The following ATP8B4 variants were observed in gnomAD, a reference collection of about 807,000 sequenced individuals.
The protein encoded by ATP8B4 is probable phospholipid-transporting ATPase IM.
ATP8B4 carries 133 observed loss-of-function variants against 145.6 expected under a neutral mutation model. The observed-to-expected ratio is 0.91, with a 90% CI of 0.79 to 1.05. The LOEUF (loss-of-function observed/expected upper bound fraction) is 1.05, where lower values mean the gene tolerates loss of function less well. ATP8B4 is among the 50% of genes least tolerant of loss of function. The probability of loss-of-function intolerance (pLI) is 0.00; values close to 1 mark genes in which losing one functional copy is unlikely to be tolerated. For missense variants in ATP8B4, 1,458 were observed against 1,425.2 expected (o/e 1.02, Z -0.37); for synonymous variants, 507 against 492.9 (o/e 1.03, Z -0.38).
chr15:50,046,323 G>A (rs1255179362), intron 4 of ATP8B4, among the ~76,000 whole-genome samples: 1 of 150,300 alleles, frequency 6.7e-6, no homozygotes, highest in African/African-American at 2.5e-5. Context: ...CTCTCTCTCT[G>A]ACTTGAGTTG....
intron 1 of ATP8B4, among the ~76,000 whole-genome samples, chr15:50,129,083 T>C (rs1293451524): frequency 5.3e-5 from 8 of 152,036 alleles, no homozygotes; most frequent in African/African-American, 1.9e-4. Context: ...AATAAATAAA[T>C]AAATAAAAGT....
intron 9 of ATP8B4, among the ~76,000 whole-genome samples, chr15:49,990,506 T>C (rs896137246): frequency 2.0e-5 from 3 of 152,098 alleles, no homozygotes; most frequent in Non-Finnish European, 4.4e-5. Context: ...TGAAAGCAGA[T>C]TGCAATTTAT....
intron 25 of ATP8B4, among the ~76,000 whole-genome samples, chr15:49,872,924 G>T (rs2033877071): frequency 6.6e-6 from 1 of 152,190 alleles, no homozygotes; most frequent in South Asian, 2.1e-4. Flanking sequence ...ATGCACCATG[G>T]TGAGGTAAGA....
At chr15:49,865,509 T>C (rs1486545758) in intron 26 of ATP8B4, among the ~76,000 whole-genome samples, 1 of 152,222 alleles carries the variant, frequency 6.6e-6, no homozygotes, top group African/African-American at 2.4e-5. Flanking sequence ...TGTGGCTTGC[T>C]ACTAGCATTG....
rs2052451044 is a variant in ATP8B4, at chr15:50,054,699, G to C, written c.88-7235C>G. ...CTTGGGAGGCTGAGGCAGGAGAATAGCATGAACCCAGGAGGCTGAGCTTGC... is the reference window on the plus strand; with the variant it reads ...CTTGGGAGGCTGAGGCAGGAGAATACCATGAACCCAGGAGGCTGAGCTTGC... On this transcript the variant is annotated intron_variant, in intron 3 of 27. Transcript: ENST00000284509. Among the ~76,000 whole-genome samples the C allele has an allele frequency of 4.4e-5, 6 of 136,446 alleles. No homozygotes were observed. In the South Asian group the frequency reaches 1.2e-3, roughly 27 times the overall value. The allele number at this position is 136,446 out of a possible 152,430, so 89.5% of individuals were successfully genotyped here.
At chr15:49,868,192 T>A (rs895676321) in intron 25 of ATP8B4, among the ~76,000 whole-genome samples, 1 of 152,182 alleles carries the variant, frequency 6.6e-6, no homozygotes, top group Non-Finnish European at 1.5e-5. Context: ...TAATCTTTTA[T>A]ACAGAGGAGG....
chr15:50,165,795 A>C (rs531173707), intron 1 of ATP8B4, among the ~76,000 whole-genome samples: 1 of 152,334 alleles, frequency 6.6e-6, no homozygotes, highest in East Asian at 1.9e-4. Context: ...CAAATAAAAA[A>C]TGTTCATGTA....
In ATP8B4 at chr15:50,024,502, A is replaced by G. The variant is rs190117656; in HGVS notation, c.363-13585T>C. On this transcript the variant is annotated intron_variant, in intron 6 of 27. Transcript: ENST00000284509. ...TGAAGCCTTAAATTTAGCAGTGTGA[A>G]AGGGGAAAGCATGTAAGAACATAAA... Among the ~76,000 whole-genome samples the G allele has an allele frequency of 1.1e-3, 174 of 152,332 alleles. 1 individual carries two copies. Among genetic ancestry groups the G allele is most frequent in the Admixed American group, 2.0e-3 (30 of 15,300 alleles).
intron 1 of ATP8B4, among the ~76,000 whole-genome samples, chr15:50,107,503 A>AT (rs902990569): frequency 2.0e-5 from 3 of 152,054 alleles, no homozygotes; most frequent in South Asian, 2.1e-4. Context: ...CCAGGCAGTT[A>AT]TTTTTTTTAA....
At chr15:50,131,314 A>G (rs62023185) in intron 1 of ATP8B4, among the ~76,000 whole-genome samples, 1,794 of 152,360 alleles carry the variant, frequency 0.012, 19 homozygotes, top group Non-Finnish European at 0.016. Flanking sequence ...TGCTTCATAT[A>G]TAGTAATTCA....
intron 1 of ATP8B4, among the ~76,000 whole-genome samples, chr15:50,158,672 G>C (rs1490456056): frequency 1.3e-5 from 2 of 152,258 alleles, no homozygotes; most frequent in Non-Finnish European, 2.9e-5. Flanking sequence ...AAGGGGGAAA[G>C]GTGGGGAAAA....
intron 20 of ATP8B4, chr15:49,901,870 GA>G (rs1245671158): frequency 1.5e-5 from 6 of 394,350 alleles, no homozygotes; most frequent in Non-Finnish European, 2.9e-5. Flanking sequence ...AATCTTCTAG[GA>G]AAAAAACTAG....
chr15:49,920,441 T>C (rs1324067667), intron 17 of ATP8B4, 31 bp from the exon 18 acceptor site: 1 of 1,568,086 alleles, frequency 6.4e-7, no homozygotes, highest in Non-Finnish European at 8.6e-7. Flanking sequence ...TCATGAACCA[T>C]CAAAGAAACA....
intron 3 of ATP8B4, among the ~76,000 whole-genome samples, chr15:50,068,261 C>T (rs746330723): frequency 6.6e-6 from 1 of 152,078 alleles, no homozygotes; most frequent in South Asian, 2.1e-4. Flanking sequence ...TTGCAGGGAG[C>T]CTTAGTGGTG....
intron 1 of ATP8B4, among the ~76,000 whole-genome samples, chr15:50,150,281 G>C (rs2044331463): frequency 6.6e-6 from 1 of 152,140 alleles, no homozygotes; most frequent in South Asian, 2.1e-4. Flanking sequence ...GAGTTTTGCA[G>C]AGTCTTTTGT....
chr15:49,930,473 G>T (rs1287342753), intron 16 of ATP8B4, among the ~76,000 whole-genome samples: 2 of 152,070 alleles, frequency 1.3e-5, no homozygotes, highest in African/African-American at 4.8e-5. Context: ...CATTGAGTCA[G>T]GAAAGCACAG....
At chr15:49,892,725 A>C (rs2036965755) in intron 23 of ATP8B4, among the ~76,000 whole-genome samples, 1 of 152,188 alleles carries the variant, frequency 6.6e-6, no homozygotes, top group African/African-American at 2.4e-5. Context: ...GGGTAATAAT[A>C]CCAAATCTCA....
In ATP8B4 at chr15:50,106,925, A is replaced by G. The variant is rs2056711955; in HGVS notation, c.28+14T>C. ...AAATATCACTTTGCATCATTGGAAG[A>G]ACTCAAAACTTACCACGCAATTTCT... is the stretch of plus-strand genomic sequence containing the variant. On this transcript the variant is annotated intron_variant, in intron 2 of 27. Transcript: ENST00000284509. The G allele has an allele frequency of 6.3e-7, 1 of 1,591,366 alleles. No individual in the cohort carries two copies. The highest frequency in any genetic ancestry group is 1.4e-5 in the African/African-American group (1 of 73,762).
chr15:49,869,175 G>C (rs1277433622), intron 25 of ATP8B4, among the ~76,000 whole-genome samples: 1 of 152,078 alleles, frequency 6.6e-6, no homozygotes, highest in African/African-American at 2.4e-5. Flanking sequence ...GCCTCACAAA[G>C]TGCTAGGATT....
Sources: gnomAD v4.1 joint callset for allele counts (sites outside exome capture counted in the v4.1 genomes callset) on GRCh38, gnomAD v4.1.1 for gene constraint, MANE v1.5 for transcripts, NCBI Gene and HGNC (gene_info 2026-07-23, HGNC 2026-07-21) for gene names.